The following SPAG16 variants were observed in gnomAD, a reference collection of about 807,000 sequenced individuals.
SPAG16 encodes the protein sperm-associated antigen 16 protein.
SPAG16 carries 86 observed loss-of-function variants against 80.4 expected under a neutral mutation model. That is an observed-to-expected ratio of 1.07 (90% CI 0.90 to 1.28). The LOEUF (loss-of-function observed/expected upper bound fraction) is 1.28, where lower values mean the gene tolerates loss of function less well. SPAG16 is among the 50% of genes most tolerant of loss of function. The pLI is 0.00. For missense variants in SPAG16, 870 were observed against 765.3 expected, an observed-to-expected ratio of 1.14 and a Z score of -1.61; for synonymous variants, 294 against 265.9, an observed-to-expected ratio of 1.11 and a Z score of -1.03.
chr2:213,390,216 G>C (rs1031887757), intron 9 of SPAG16, among the ~76,000 whole-genome samples: 4 of 152,166 alleles, frequency 2.6e-5, no homozygotes, highest in African/African-American at 7.2e-5. Flanking sequence ...AATGATGTTT[G>C]TTAGGGCTGG....
chr2:213,318,800 T>G (rs1379458133), intron 5 of SPAG16, among the ~76,000 whole-genome samples: 2 of 151,978 alleles, frequency 1.3e-5, no homozygotes, highest in Non-Finnish European at 2.9e-5. Flanking sequence ...TAATACCATA[T>G]TTTGTAAGTT....
chr2:213,588,619 G>A (rs1283925173), intron 10 of SPAG16, among the ~76,000 whole-genome samples: 2 of 150,348 alleles, frequency 1.3e-5, no homozygotes, highest in Non-Finnish European at 3.0e-5. Flanking sequence ...TGGCTAACAA[G>A]GTGAAACCCC....
At chr2:213,301,544 A>C (rs2062739836) in intron 3 of SPAG16, among the ~76,000 whole-genome samples, 1 of 152,130 alleles carries the variant, frequency 6.6e-6, no homozygotes, top group Non-Finnish European at 1.5e-5. Flanking sequence ...GGAAAGTTTT[A>C]TGTCCTCAAC....
At chr2:214,022,184 C>T (rs1253817510) in intron 13 of SPAG16, among the ~76,000 whole-genome samples, 1 of 151,884 alleles carries the variant, frequency 6.6e-6, no homozygotes, top group Non-Finnish European at 1.5e-5. Context: ...GCTAACATTT[C>T]GTGTAATTAC....
At chr2:213,322,359 A>AAAATAC (rs1559409283) in intron 5 of SPAG16, among the ~76,000 whole-genome samples, 1 of 66,170 alleles carries the variant, frequency 1.5e-5, no homozygotes, top group African/African-American at 5.3e-5. Flanking sequence ...AAAAAAAACA[A>AAAATAC]AAAACTCGTT....
chr2:213,299,480 A>G (rs111768719), intron 3 of SPAG16, among the ~76,000 whole-genome samples: 1,973 of 150,788 alleles, frequency 0.013, 40 homozygotes, highest in African/African-American at 0.044. Context: ...GGGTTTCACC[A>G]TGTTAGCCAG....
intron 14 of SPAG16, among the ~76,000 whole-genome samples, chr2:214,139,245 A>G (rs1484056133): frequency 1.3e-5 from 2 of 152,124 alleles, no homozygotes; most frequent in Non-Finnish European, 2.9e-5. Context: ...ATTTTGCTGA[A>G]GAATTAACAG....
At chr2:213,724,359 T>C (rs1050654766) in intron 10 of SPAG16, among the ~76,000 whole-genome samples, 3 of 152,074 alleles carry the variant, frequency 2.0e-5, no homozygotes, top group African/African-American at 7.2e-5. Flanking sequence ...AACTTTAGCA[T>C]TAAGGATAGA....
intron 15 of SPAG16, among the ~76,000 whole-genome samples, chr2:214,317,919 A>G (rs912237161): frequency 6.6e-6 from 1 of 152,266 alleles, no homozygotes; most frequent in African/African-American, 2.4e-5. Flanking sequence ...AGAGTAATCA[A>G]CATTCTTGTG....
At chr2:214,149,791 T>G (rs1406382339) in intron 15 of SPAG16, among the ~76,000 whole-genome samples, 1 of 152,100 alleles carries the variant, frequency 6.6e-6, no homozygotes, top group Non-Finnish European at 1.5e-5. Flanking sequence ...TTATATTTAG[T>G]TTTTATTCCA....
At chr2:213,467,276 C>T (rs1489520063) in intron 9 of SPAG16, among the ~76,000 whole-genome samples, 2 of 152,140 alleles carry the variant, frequency 1.3e-5, no homozygotes, top group Admixed American at 6.5e-5. Flanking sequence ...GGAGTTGGAC[C>T]AGTATGGTGG....
intron 6 of SPAG16, among the ~76,000 whole-genome samples, chr2:213,347,049 G>A (rs1164742029): frequency 6.6e-6 from 1 of 152,054 alleles, no homozygotes; most frequent in Non-Finnish European, 1.5e-5. Context: ...ATTAATTATT[G>A]CCTCAATTTC....
intron 14 of SPAG16, among the ~76,000 whole-genome samples, chr2:214,118,911 A>G (rs2054080528): frequency 6.6e-6 from 1 of 152,192 alleles, no homozygotes; most frequent in Non-Finnish European, 1.5e-5. Flanking sequence ...CCTGAGAATA[A>G]AGAAAAAAAC....
intron 12 of SPAG16, among the ~76,000 whole-genome samples, chr2:213,954,640 G>A (rs2044024667): frequency 6.6e-6 from 1 of 151,948 alleles, no homozygotes; most frequent in South Asian, 2.1e-4. Flanking sequence ...ACATTAGGTT[G>A]GACATATGTT....
intron 6 of SPAG16, among the ~76,000 whole-genome samples, chr2:213,342,056 CA>C (rs1365564072): frequency 6.6e-6 from 1 of 151,788 alleles, no homozygotes; most frequent in East Asian, 1.9e-4. Flanking sequence ...ATTCTTTTAA[CA>C]GAAGATAGTC....
chr2:214,403,277 T>A (rs534684916), intron 15 of SPAG16, among the ~76,000 whole-genome samples: 43 of 150,978 alleles, frequency 2.8e-4, no homozygotes, highest in African/African-American at 1.0e-3. Context: ...GTTGATAATT[T>A]TAAATTTTCT....
At position 214,299,564 on chromosome 2, in the gene SPAG16, C is replaced by T. The variant is rs114982026; in HGVS notation, c.1721-110576C>T. 6.3e-3 allele frequency among the ~76,000 whole-genome samples: 960 copies of T among 152,016 alleles called. 6 individuals are homozygous for T. The highest frequency in any genetic ancestry group is 0.022 in the African/African-American group (900 of 41,490). ...GCCCAGCCTATACTTCTGTGTACCA[C>T]AATTGTTTCCAGTCTCTCACTTTTA... On this transcript the variant is annotated intron_variant, in intron 15 of 15. Transcript: ENST00000331683.
At chr2:213,505,439 T>C (rs184172918) in intron 10 of SPAG16, among the ~76,000 whole-genome samples, 1 of 152,252 alleles carries the variant, frequency 6.6e-6, no homozygotes, top group East Asian at 1.9e-4. Flanking sequence ...TGGTATTCTA[T>C]TTTGAAAGGT....
chr2:213,419,387 G>A (rs2069458360), intron 9 of SPAG16, among the ~76,000 whole-genome samples: 1 of 151,834 alleles, frequency 6.6e-6, no homozygotes, highest in Non-Finnish European at 1.5e-5. Context: ...TCATTATGCT[G>A]CCTTTTTTAC....
Sources: allele counts gnomAD v4.1 joint callset (sites outside exome capture counted in the v4.1 genomes callset), GRCh38; gene constraint gnomAD v4.1.1; transcripts MANE v1.5; gene names NCBI Gene and HGNC (gene_info 2026-07-23, HGNC 2026-07-21).